Variants in WDR7 observed in about 807,000 individuals in gnomAD.
The protein encoded by WDR7 is WD repeat-containing protein 7.
WDR7 carries 46 observed loss-of-function variants against 169.4 expected under a neutral mutation model. The observed-to-expected ratio is 0.27, with a 90% CI of 0.21 to 0.35. The LOEUF (loss-of-function observed/expected upper bound fraction) is 0.35, where lower values mean the gene tolerates loss of function less well. WDR7 is among the 10% of genes least tolerant of loss of function. The pLI, the probability that WDR7 is intolerant of heterozygous loss-of-function variation, is 1.00. For synonymous variants in WDR7, 612 were observed against 666.8 expected (o/e 0.92, Z 1.27); for missense variants, 1,534 against 1,859.3 (o/e 0.83, Z 3.22).
chr18:56,962,542 T>C lies in WDR7; in HGVS notation c.4164+13T>C, dbSNP rs764829499. 6 of 1,610,186 alleles carry C rather than the reference T, an allele frequency of 3.7e-6. No individual in the cohort carries two copies. Among genetic ancestry groups the C allele is most frequent in the South Asian group, 3.3e-5 (3 of 90,944 alleles). ...TGGAAAATGTCAGGTAAATAAATCATTGTGACTTCCTCTCCATAAAGCGTG... is the reference window on the plus strand; with the variant it reads ...TGGAAAATGTCAGGTAAATAAATCACTGTGACTTCCTCTCCATAAAGCGTG... On this transcript the variant is annotated intron_variant, in intron 26 of 27. Transcript: ENST00000254442.
At chr18:56,683,532 C>T (rs1477809022) in intron 5 of WDR7, among the ~76,000 whole-genome samples, 1 of 152,190 alleles carries the variant, frequency 6.6e-6, no homozygotes, top group Non-Finnish European at 1.5e-5. Context: ...ACCACCACCA[C>T]TACCACCGGT....
chr18:56,977,750 A>C (rs2047588012), intron 26 of WDR7, among the ~76,000 whole-genome samples: 1 of 152,230 alleles, frequency 6.6e-6, no homozygotes, highest in Non-Finnish European at 1.5e-5. Context: ...ACATTATATA[A>C]GAAGGGATAT....
rs761722912 is a variant in WDR7 at position 56,924,086 on chromosome 18, G to A, written c.3691G>A (p.Asp1231Asn). Reference protein sequence around the residue: ...VLMGLLELCADAEKQLANITM... With the variant: ...VLMGLLELCANAEKQLANITM... Reference sequence around the variant, plus strand: ...GATGGGGCTTCTCGAACTTTGTGCCGATGCCGAGAAACAACTTGCCAAGTA... The same window carrying A: ...GATGGGGCTTCTCGAACTTTGTGCCAATGCCGAGAAACAACTTGCCAAGTA... Residue 1231 changes from aspartate to asparagine, a missense_variant, in exon 22 of 28, where the codon GAT becomes AAT. Asp to Asn is a conservative substitution (Grantham distance 23, BLOSUM62 1). Coordinates refer to ENST00000254442, the MANE Select transcript of WDR7 (RefSeq NM_015285.3). The A allele has an allele frequency of 6.8e-6, 11 of 1,612,152 alleles. No homozygotes were observed. The highest frequency in any genetic ancestry group is 3.3e-5 in the South Asian group (3 of 90,390).
intron 20 of WDR7, among the ~76,000 whole-genome samples, chr18:56,843,993 G>A (rs748553011): frequency 2.0e-5 from 3 of 151,552 alleles, no homozygotes; most frequent in Non-Finnish European, 4.4e-5. Context: ...CTCCTGAGTA[G>A]CTGGGATTAT....
chr18:56,720,676 T>C (rs2026302090), intron 13 of WDR7, among the ~76,000 whole-genome samples: 1 of 152,132 alleles, frequency 6.6e-6, no homozygotes. Flanking sequence ...GAGGCCTTAC[T>C]GATAGACAAA....
At chr18:56,688,300 C>T (rs2144603397) in intron 7 of WDR7, among the ~76,000 whole-genome samples, 1 of 152,272 alleles carries the variant, frequency 6.6e-6, no homozygotes, top group East Asian at 1.9e-4. Context: ...GAAGCAGCAC[C>T]TTAACCTTAT....
intron 21 of WDR7, among the ~76,000 whole-genome samples, chr18:56,900,183 CTA>C (rs1415846527): frequency 6.6e-6 from 1 of 151,026 alleles, no homozygotes; most frequent in East Asian, 1.9e-4. Flanking sequence ...ATCTTGTCAT[CTA>C]TAGAGTAGAC....
chr18:56,954,378 G>T (rs1051751563), intron 25 of WDR7, among the ~76,000 whole-genome samples: 1 of 152,108 alleles, frequency 6.6e-6, no homozygotes, highest in Non-Finnish European at 1.5e-5. Context: ...ATACCATACA[G>T]CCATTAAAAA....
At chr18:56,877,759 A>G (rs989388234) in intron 20 of WDR7, among the ~76,000 whole-genome samples, 1 of 152,192 alleles carries the variant, frequency 6.6e-6, no homozygotes, top group African/African-American at 2.4e-5. Context: ...ATTTCAGGTA[A>G]CATTGATATA....
chr18:56,929,465 T>C (rs915050927), intron 22 of WDR7, among the ~76,000 whole-genome samples: 5 of 152,218 alleles, frequency 3.3e-5, no homozygotes, highest in African/African-American at 1.2e-4. Flanking sequence ...ATTTTCCTTT[T>C]AGAGATGAAA....
chr18:56,837,078 A>G (rs2045407820), intron 20 of WDR7, among the ~76,000 whole-genome samples: 2 of 152,220 alleles, frequency 1.3e-5, no homozygotes, highest in Admixed American at 1.3e-4. Flanking sequence ...TTAAGATGCA[A>G]TTTAATTTGG....
In WDR7 at chr18:56,969,669, G is replaced by C. The variant is rs147444428; in HGVS notation, c.4164+7140G>C. On this transcript the variant is annotated intron_variant, in intron 26 of 27. Transcript: ENST00000254442. ...TTAAAATAATGAGTGTTGGCTCTGT[G>C]TTTGTTAATGTTTTCATTAATGCTT... 4.0e-3 allele frequency among the ~76,000 whole-genome samples: 612 copies of C among 152,270 alleles called. 1 individual carries two copies. The highest frequency in any genetic ancestry group is 6.9e-3 in the Non-Finnish European group (472 of 68,008).
chr18:57,034,432 A>T (rs1467481891), downstream of WDR7: 1 of 152,056 alleles, frequency 6.6e-6, no homozygotes, highest in Non-Finnish European at 1.5e-5. Flanking sequence ...TCTCTCACAC[A>T]TAGTCTGCAT....
chr18:57,024,767 GATA>G (rs1157963273), intron 27 of WDR7, among the ~76,000 whole-genome samples: 2 of 142,678 alleles, frequency 1.4e-5, no homozygotes, highest in African/African-American at 2.8e-5. Flanking sequence ...TGTGAGCTAT[GATA>G]GTTATGTCCC....
At chr18:56,991,223 C>G (rs773886139) in intron 26 of WDR7, among the ~76,000 whole-genome samples, 1 of 149,974 alleles carries the variant, frequency 6.7e-6, no homozygotes, top group Non-Finnish European at 1.5e-5. Context: ...CGCGGCTCAC[C>G]GCAAGCTCCG....
intron 25 of WDR7, among the ~76,000 whole-genome samples, chr18:56,956,676 A>G (rs2047255003): frequency 6.6e-6 from 1 of 152,162 alleles, no homozygotes; most frequent in Non-Finnish European, 1.5e-5. Context: ...TGTGTTGTGT[A>G]ATCAAATCTT....
At chr18:56,772,216 T>C (rs1420339600) in intron 16 of WDR7, among the ~76,000 whole-genome samples, 2 of 152,118 alleles carry the variant, frequency 1.3e-5, no homozygotes, top group Non-Finnish European at 2.9e-5. Context: ...TAGAGTACCT[T>C]TTCTCAGCAA....
chr18:56,840,472 TAATTA>T (rs931352211), intron 20 of WDR7, among the ~76,000 whole-genome samples: 8 of 152,138 alleles, frequency 5.3e-5, no homozygotes, highest in African/African-American at 1.9e-4. Flanking sequence ...ACTAAGTACT[TAATTA>T]AATTAATACT....
chr18:56,680,503 A>G (rs1434408263), intron 3 of WDR7, among the ~76,000 whole-genome samples: 1 of 152,256 alleles, frequency 6.6e-6, no homozygotes, highest in East Asian at 1.9e-4. Context: ...CATATTTTAA[A>G]TTGAATGCTC....
Sources: allele counts gnomAD v4.1 joint callset (sites outside exome capture counted in the v4.1 genomes callset), GRCh38; gene constraint gnomAD v4.1.1; transcripts MANE v1.5; gene names NCBI Gene and HGNC (gene_info 2026-07-23, HGNC 2026-07-21).